The following DLGAP1 variants were observed in gnomAD, a reference collection of about 807,000 sequenced individuals.
DLGAP1 encodes the protein DLG associated protein 1, also known as disks large-associated protein 1.
In DLGAP1, 11 loss-of-function variants were observed where a neutral mutation model predicts 90.8. That is an observed-to-expected ratio of 0.12 (90% confidence interval 0.08 to 0.20). The LOEUF (loss-of-function observed/expected upper bound fraction) is 0.20. Among genes scored for constraint, DLGAP1 ranks in the 10% least tolerant of loss-of-function variants. The probability of loss-of-function intolerance (pLI) is 1.00; values close to 1 mark genes in which losing one functional copy is unlikely to be tolerated. For synonymous variants in DLGAP1, 558 were observed against 540.7 expected, an observed-to-expected ratio of 1.03 and a Z score of -0.44; for missense variants, 1,050 against 1,333.8, an observed-to-expected ratio of 0.79 and a Z score of 3.31.
rs1043811941 is a variant in DLGAP1, at chr18:4,454,333, C to T, written c.-267+673G>A. Among the ~76,000 whole-genome samples, 1 of 152,190 alleles carries T rather than the reference C, an allele frequency of 6.6e-6. No individual in the cohort carries two copies. The highest frequency in any genetic ancestry group is 1.5e-5 in the Non-Finnish European group (1 of 68,036). ...GAATGTCGGGTCTCCCGGCCCGCCC[C>T]GCGATTCTCCGGGAATTGGCCTTGG... On this transcript the variant is annotated intron_variant, in intron 1 of 12. Transcript: ENST00000315677. This position sits in a 1 kb window ranked among gnomAD's most constrained non-coding sequence, Gnocchi z 4.7.
chr18:4,380,363 A>C (rs147343362), intron 1 of DLGAP1, among the ~76,000 whole-genome samples: 1 of 152,316 alleles, frequency 6.6e-6, no homozygotes, highest in East Asian at 1.9e-4. Flanking sequence ...ACTAGAGGGG[A>C]GTCCTGGGCA....
intron 2 of DLGAP1, among the ~76,000 whole-genome samples, chr18:4,111,508 A>G (rs554628720): frequency 1.3e-5 from 2 of 152,316 alleles, no homozygotes; most frequent in East Asian, 1.9e-4. Context: ...TTCATTCTTC[A>G]TAATAAAATT....
intron 7 of DLGAP1, among the ~76,000 whole-genome samples, chr18:3,661,098 A>C (rs899335612): frequency 3.5e-4 from 53 of 152,170 alleles, no homozygotes; most frequent in African/African-American, 1.2e-3. Flanking sequence ...AAGTTTCACT[A>C]TGTTTCTTAG....
chr18:4,242,243 A>G (rs2078552259), intron 1 of DLGAP1, among the ~76,000 whole-genome samples: 1 of 152,134 alleles, frequency 6.6e-6, no homozygotes, highest in Non-Finnish European at 1.5e-5. Flanking sequence ...GGGGACAAAG[A>G]CTATTCTCCA....
intron 1 of DLGAP1, among the ~76,000 whole-genome samples, chr18:4,199,030 T>C (rs1349813956): frequency 1.3e-5 from 2 of 152,196 alleles, no homozygotes; most frequent in East Asian, 1.9e-4. Flanking sequence ...TGGAACCTTG[T>C]GTGGTTTTAC....
intron 2 of DLGAP1, among the ~76,000 whole-genome samples, chr18:4,132,321 C>T (rs2076329414): frequency 6.6e-6 from 1 of 152,126 alleles, no homozygotes; most frequent in South Asian, 2.1e-4. Context: ...CATTCATTGA[C>T]CATCTATTAC....
intron 2 of DLGAP1, among the ~76,000 whole-genome samples, chr18:4,034,938 T>C (rs2074863922): frequency 6.6e-6 from 1 of 152,174 alleles, no homozygotes; most frequent in Non-Finnish European, 1.5e-5. Context: ...CTTCTTGTTC[T>C]GTCCTTGTGA....
At chr18:4,251,807 T>A (rs1350853364) in intron 1 of DLGAP1, among the ~76,000 whole-genome samples, 1 of 152,230 alleles carries the variant, frequency 6.6e-6, no homozygotes, top group African/African-American at 2.4e-5. Flanking sequence ...AATATTGGTA[T>A]CATTTTCAGC....
chr18:3,697,222 C>T (rs1057468921), intron 7 of DLGAP1, among the ~76,000 whole-genome samples: 4 of 151,808 alleles, frequency 2.6e-5, no homozygotes, highest in African/African-American at 9.7e-5. Flanking sequence ...TATTTCTTGT[C>T]TTCTGCTAGC....
intron 1 of DLGAP1, among the ~76,000 whole-genome samples, chr18:4,284,525 C>T (rs1225058901): frequency 6.6e-6 from 1 of 152,110 alleles, no homozygotes; most frequent in African/African-American, 2.4e-5. Context: ...AGGTGTGTCA[C>T]GGGCACCACT....
chr18:3,505,197 A>G (rs1486912513), intron 11 of DLGAP1, among the ~76,000 whole-genome samples: 2 of 152,118 alleles, frequency 1.3e-5, no homozygotes, highest in East Asian at 3.9e-4. Context: ...GAGCAGGAGT[A>G]GTGAACTCAA....
chr18:4,009,799 T>C (rs1390935119), intron 2 of DLGAP1, among the ~76,000 whole-genome samples: 1 of 152,196 alleles, frequency 6.6e-6, no homozygotes, highest in Non-Finnish European at 1.5e-5. Flanking sequence ...CTCCCAGGAA[T>C]GGGAACCTTT....
intron 2 of DLGAP1, among the ~76,000 whole-genome samples, chr18:4,006,159 G>A (rs2074296530): frequency 6.6e-6 from 1 of 152,158 alleles, no homozygotes; most frequent in Non-Finnish European, 1.5e-5. Flanking sequence ...GTAAGTTCTT[G>A]CCACATCTTC....
At chr18:3,582,291 G>A (rs1245919908) in intron 7 of DLGAP1, 43 bp from the exon 8 acceptor site, 2 of 1,575,248 alleles carry the variant, frequency 1.3e-6, no homozygotes, top group Admixed American at 3.6e-5. Context: ...TTCTGCGTGG[G>A]TTTTAATTTC....
chr18:3,654,806 TC>T (rs1207437524), intron 7 of DLGAP1: 1 of 152,178 alleles, frequency 6.6e-6, no homozygotes, highest in Non-Finnish European at 1.5e-5. Flanking sequence ...ACATGCACTT[TC>T]TCCTCGAGGT....
At chr18:3,675,083 T>G (rs1315541301) in intron 7 of DLGAP1, among the ~76,000 whole-genome samples, 2 of 152,218 alleles carry the variant, frequency 1.3e-5, no homozygotes, top group African/African-American at 4.8e-5. Context: ...TTAGCTGGTT[T>G]TTTTTTGAGA....
At chr18:4,390,694 T>C (rs1300003499) in intron 1 of DLGAP1, among the ~76,000 whole-genome samples, 1 of 152,200 alleles carries the variant, frequency 6.6e-6, no homozygotes, top group Admixed American at 6.5e-5. Context: ...TGTGGCTTGA[T>C]AGCTGAATAA....
intron 7 of DLGAP1, among the ~76,000 whole-genome samples, chr18:3,590,504 G>A (rs1258752673): frequency 6.6e-6 from 1 of 152,174 alleles, no homozygotes; most frequent in Non-Finnish European, 1.5e-5. Context: ...AGCCTGGTCT[G>A]CAGAGTGGTG....
At position 3,523,691 on chromosome 18, in the gene DLGAP1, C is replaced by CA. The variant is rs533767057; in HGVS notation, c.2479+10502dup. ...TGAAACCCCGTCTCTACTAAAAATA[C>CA]AAAAAATTAGCCAGGCGTGGTGGCG... On this transcript the variant is annotated intron_variant, in intron 10 of 12. Transcript: ENST00000315677. Among the ~76,000 whole-genome samples the CA allele has an allele frequency of 3.7e-3, 556 of 151,950 alleles. 2 individuals carry two copies. Among genetic ancestry groups the CA allele is most frequent in the South Asian group, 0.028 (135 of 4,818 alleles).
Sources: gnomAD v4.1 joint callset for allele counts (sites outside exome capture counted in the v4.1 genomes callset) on GRCh38, gnomAD v4.1.1 for gene constraint, Gnocchi (gnomAD v3.1) non-coding constraint, MANE v1.5 for transcripts, NCBI Gene and HGNC (gene_info 2026-07-23, HGNC 2026-07-21) for gene names.